The following ZMYM4 variants were observed in gnomAD, a reference collection of about 807,000 sequenced individuals.
ZMYM4 encodes the protein zinc finger MYM-type protein 4.
ZMYM4 carries 31 observed loss-of-function variants against 183.2 expected under a neutral mutation model. The observed-to-expected ratio is 0.17, with a 90% CI of 0.13 to 0.23. ZMYM4 has a LOEUF of 0.23. Among genes scored for constraint, ZMYM4 ranks in the 10% least tolerant of loss-of-function variants. ZMYM4 has a pLI of 1.00. For missense variants in ZMYM4, 1,273 were observed against 1,840.3 expected (o/e 0.69, Z 5.64); for synonymous variants, 592 against 631.2 (o/e 0.94, Z 0.93).
rs541251855 is a variant in ZMYM4 at position 35,313,315 on chromosome 1, G to A, written c.40-12045G>A. 6.6e-5 allele frequency among the ~76,000 whole-genome samples: 10 copies of A among 152,172 alleles called. No homozygotes were observed. The South Asian group carries it at 1.0e-3, about 16-fold the overall frequency. Reference sequence around the variant, plus strand: ...CTCCCAAAGTGTTGGGATTACAGGCGTGAGCCATTGCACCCAGCCTATCTT... The same window carrying A: ...CTCCCAAAGTGTTGGGATTACAGGCATGAGCCATTGCACCCAGCCTATCTT... On this transcript the variant is annotated intron_variant, in intron 1 of 29. Transcript: ENST00000314607.
chr1:35,370,727 CTT>C (rs3066096), intron 7 of ZMYM4, 100 bp downstream of exon 7: 5,724 of 281,094 alleles, frequency 0.02, 1 homozygote, highest in East Asian at 0.08. Flanking sequence ...ACATTTATTC[CTT>C]TTTTTTTTTT....
At chr1:35,291,068 A>T (rs1470288625) in intron 1 of ZMYM4, among the ~76,000 whole-genome samples, 1 of 152,190 alleles carries the variant, frequency 6.6e-6, no homozygotes, top group East Asian at 1.9e-4. Context: ...TAAAATTAGC[A>T]CTATAATCAA....
intron 1 of ZMYM4, among the ~76,000 whole-genome samples, chr1:35,269,746 A>G (rs1639502938): frequency 1.3e-5 from 2 of 152,216 alleles, no homozygotes; most frequent in Non-Finnish European, 2.9e-5. Context: ...GATGTACCCA[A>G]TCAACCTGCA....
chr1:35,298,480 C>G (rs149897027), intron 1 of ZMYM4, among the ~76,000 whole-genome samples: 1 of 152,278 alleles, frequency 6.6e-6, no homozygotes, highest in African/African-American at 2.4e-5. Flanking sequence ...TGGCAAAATT[C>G]TCTGGGAAGT....
chr1:35,269,014 G>A lies in ZMYM4; in HGVS notation c.-33G>A, dbSNP rs768087377. On this transcript the variant is annotated 5_prime_UTR_variant, in exon 1 of 30. Transcript: ENST00000314607. The stretch of plus-strand genomic sequence containing the variant: ...CCGAGAGGTACCGCCGCCACCGCGC[G>A]GGGAGCCGCAGCGGTTCCGAGCGGG... The A allele has an allele frequency of 9.2e-6, 14 of 1,523,044 alleles. No individual in the cohort carries two copies. The highest frequency in any genetic ancestry group is 1.2e-5 in the Non-Finnish European group (14 of 1,135,348). 94.3% of individuals were successfully genotyped at this position (1,523,044 alleles called of 1,614,324 possible).
Position 35,359,162 on chromosome 1 carries a change from A to G in ZMYM4, c.323A>G (p.Asp108Gly), listed in dbSNP as rs189096461. The G allele has an allele frequency of 1.2e-6, 2 of 1,613,700 alleles. No individual in the cohort carries two copies. The highest frequency in any genetic ancestry group is 3.3e-5 in the Admixed American group (2 of 59,998). The change falls in exon 3 of 30, where the codon GAT becomes GGT. Residue 108 changes from aspartate (D) to glycine (G), a missense_variant. Coordinates refer to ENST00000314607, the MANE Select transcript of ZMYM4 (RefSeq NM_005095.3). The stretch of plus-strand genomic sequence containing the variant: ...AATCTTGTTTCTTCAATTCATACTG[A>G]TGATAGCTTGGAAGTAGAGAGAAGA... ...KDNLVSSIHT[D>G]DSLEVERRVT...
At chr1:35,313,289 C>T (rs1023278047) in intron 1 of ZMYM4, among the ~76,000 whole-genome samples, 16 of 152,220 alleles carry the variant, frequency 1.1e-4, no homozygotes, top group Admixed American at 9.8e-4. Flanking sequence ...CCTGCCTTGG[C>T]CTCCCAAAGT....
chr1:35,308,445 C>T (rs1641646452), intron 1 of ZMYM4, among the ~76,000 whole-genome samples: 1 of 152,190 alleles, frequency 6.6e-6, no homozygotes, highest in Non-Finnish European at 1.5e-5. Context: ...AAATTTCAGA[C>T]TTTTAGGCCC....
chr1:35,269,124 G>A, intron 1 of ZMYM4, 39 bp downstream of exon 1: 1 of 1,543,692 alleles, frequency 6.5e-7, no homozygotes, highest in Non-Finnish European at 8.7e-7. Flanking sequence ...GCGGGGGGCG[G>A]GGCGCGGCCC....
rs372193297 is a variant in ZMYM4, at chr1:35,327,669, A to G, written c.85+2264A>G. Reference sequence around the variant, plus strand: ...AAAATAGAATTTAGCTAGCTTATCCAGAAGAATCATTTTAGATATATACTA... The same window carrying G: ...AAAATAGAATTTAGCTAGCTTATCCGGAAGAATCATTTTAGATATATACTA... On this transcript the variant is annotated intron_variant, in intron 2 of 29. Coordinates refer to ENST00000314607, the MANE Select transcript of ZMYM4 (RefSeq NM_005095.3). 5.9e-5 allele frequency among the ~76,000 whole-genome samples: 9 copies of G among 152,362 alleles called. No individual in the cohort carries two copies. The East Asian group carries it at 1.3e-3, about 23-fold the overall frequency.
chr1:35,317,262 G>T (rs1642089028), intron 1 of ZMYM4, among the ~76,000 whole-genome samples: 1 of 152,086 alleles, frequency 6.6e-6, no homozygotes, highest in Non-Finnish European at 1.5e-5. Context: ...GTGAAACCCT[G>T]TCTCTGCTAA....
intron 12 of ZMYM4, 55 bp downstream of exon 12, chr1:35,387,333 A>C: frequency 6.3e-7 from 1 of 1,587,346 alleles, no homozygotes; most frequent in Non-Finnish European, 8.6e-7. Flanking sequence ...TCTATTTGTA[A>C]AATTATTTTT....
intron 19 of ZMYM4, 144 bp downstream of exon 19, chr1:35,396,814 A>T: frequency 1.0e-6 from 1 of 985,406 alleles, no homozygotes; most frequent in East Asian, 2.9e-5. Context: ...TTATTACTTA[A>T]CATGGATTAT....
chr1:35,269,112 C>CGGCGGGG (rs1279740799), intron 1 of ZMYM4, 27 bp downstream of exon 1: 4 of 1,543,342 alleles, frequency 2.6e-6, no homozygotes, highest in Admixed American at 4.0e-5. Context: ...AGAACTCGGG[C>CGGCGGGG]GGCGGGGGGC....
At chr1:35,393,447 TG>T (rs1644746437) in intron 17 of ZMYM4, 147 bp from the exon 18 acceptor site, 6 of 650,498 alleles carry the variant, frequency 9.2e-6, no homozygotes, top group Non-Finnish European at 1.5e-5. Flanking sequence ...TTAGGAGTAT[TG>T]TATTTCTTAT....
intron 2 of ZMYM4, among the ~76,000 whole-genome samples, chr1:35,340,593 T>C (rs1382876252): frequency 6.6e-6 from 1 of 151,944 alleles, no homozygotes. Context: ...GCAGGCAACC[T>C]AGATCCCTCA....
chr1:35,280,097 C>G (rs1451254030), intron 1 of ZMYM4, among the ~76,000 whole-genome samples: 1 of 151,656 alleles, frequency 6.6e-6, no homozygotes, highest in Non-Finnish European at 1.5e-5. Context: ...TTCTCTCTTT[C>G]TCTTTCTTTT....
intron 1 of ZMYM4, among the ~76,000 whole-genome samples, chr1:35,290,790 G>A (rs1033160288): frequency 1.3e-5 from 2 of 152,110 alleles, no homozygotes; most frequent in Non-Finnish European, 1.5e-5. Context: ...AATATACTAA[G>A]CACAATTGAA....
At chr1:35,374,634 C>G (rs1174999254) in intron 7 of ZMYM4, among the ~76,000 whole-genome samples, 1 of 150,442 alleles carries the variant, frequency 6.6e-6, no homozygotes, top group Non-Finnish European at 1.5e-5. Context: ...GACCTGGTCC[C>G]CCCCAGCTCC....
Sources: allele counts gnomAD v4.1 joint callset (sites outside exome capture counted in the v4.1 genomes callset), GRCh38; gene constraint gnomAD v4.1.1; transcripts MANE v1.5; gene names NCBI Gene and HGNC (gene_info 2026-07-23, HGNC 2026-07-21).